The following RNASEH2B variants were observed in gnomAD, a reference collection of about 807,000 sequenced individuals.
The protein encoded by RNASEH2B is Aicardi-Goutieres syndrome 2 protein.
RNASEH2B carries 36 observed loss-of-function variants against 45.0 expected under a neutral mutation model. The ratio of observed to expected loss-of-function variants is 0.80; its 90% confidence interval spans 0.61 to 1.06. The LOEUF (loss-of-function observed/expected upper bound fraction) is 1.06, where lower values mean the gene tolerates loss of function less well. Among genes scored for constraint, RNASEH2B ranks in the 50% least tolerant of loss-of-function variants. RNASEH2B has a pLI of 0.00. For missense variants in RNASEH2B, 361 were observed against 360.3 expected (o/e 1.00, Z -0.02); for synonymous variants, 119 against 125.7 (o/e 0.95, Z 0.35).
In RNASEH2B at chr13:50,945,524, A is replaced by C; in HGVS notation, c.608A>C (p.Asp203Ala). 1 of 1,608,946 alleles carries C rather than the reference A, an allele frequency of 6.2e-7. No homozygotes were observed. Among genetic ancestry groups the C allele is most frequent in the South Asian group, 1.1e-5 (1 of 90,970 alleles). Reference sequence around the variant, plus strand: ...TTCTCTGGTGACCAAGCTTCCACTGACAAGGAAGGTAAGTAAAGCATTTTA... The same window carrying C: ...TTCTCTGGTGACCAAGCTTCCACTGCCAAGGAAGGTAAGTAAAGCATTTTA... ...AFFSGDQAST[D>A]KEEDYIRYAH... The change falls in exon 7 of 11, where the codon GAC becomes GCC. Residue 203 changes from aspartate (D) to alanine (A), a missense_variant. Physicochemically the swap from Asp to Ala is moderately radical, Grantham distance 126. Coordinates refer to ENST00000336617, the MANE Select transcript of RNASEH2B (RefSeq NM_024570.4).
intron 4 of RNASEH2B, chr13:50,934,081 G>C (rs916850334): frequency 1.3e-5 from 2 of 152,188 alleles, no homozygotes; most frequent in Non-Finnish European, 2.9e-5. Flanking sequence ...GCTAGAAGTG[G>C]GTCATGGGCA....
At chr13:50,923,870 G>C (rs947365977) in intron 1 of RNASEH2B, among the ~76,000 whole-genome samples, 10 of 152,302 alleles carry the variant, frequency 6.6e-5, no homozygotes, top group African/African-American at 2.4e-4. Context: ...ATGTAAAGAT[G>C]TAATTTGTAT....
intron 8 of RNASEH2B, 25 bp from the exon 9 acceptor site, chr13:50,949,438 T>C: frequency 6.2e-7 from 1 of 1,611,234 alleles, no homozygotes; most frequent in Non-Finnish European, 8.5e-7. Context: ...ACGATGACTT[T>C]GATTGTTATT....
At chr13:50,946,180 G>A (rs1328112427) in intron 7 of RNASEH2B, among the ~76,000 whole-genome samples, 1 of 152,024 alleles carries the variant, frequency 6.6e-6, no homozygotes, top group Non-Finnish European at 1.5e-5. Context: ...TCTTTTCCAA[G>A]TAGAGTCCTC....
At chr13:50,925,449 A>AT (rs1236456263) in intron 1 of RNASEH2B, among the ~76,000 whole-genome samples, 1 of 152,178 alleles carries the variant, frequency 6.6e-6, no homozygotes, top group Admixed American at 6.5e-5. Context: ...TTGTATTTCT[A>AT]TAAAATACCC....
chr13:50,949,628 C>T lies in RNASEH2B; in HGVS notation c.741+123C>T. 3 of 844,420 alleles carry T rather than the reference C, an allele frequency of 3.6e-6. No individual in the cohort carries two copies. In the South Asian group the frequency reaches 4.3e-5, roughly 12 times the overall value. 52.3% of individuals were successfully genotyped at this position (844,420 alleles called of 1,614,324 possible). On this transcript the variant is annotated intron_variant, in intron 9 of 10. Transcript: ENST00000336617. ...TAAATCCATTTTGCATGGAGTGATG[C>T]CATGTGGAATAAAGATTGTACTGGG...
At chr13:50,944,091 T>C (rs549043338) in intron 6 of RNASEH2B, among the ~76,000 whole-genome samples, 16 of 151,910 alleles carry the variant, frequency 1.1e-4, no homozygotes, top group African/African-American at 2.7e-4. Context: ...GGTTAAAATA[T>C]AGCAGAGGAA....
chr13:50,932,246 T>G lies in RNASEH2B; in HGVS notation c.321+1487T>G, dbSNP rs73499735. 6.1e-3 allele frequency among the ~76,000 whole-genome samples: 928 copies of G among 152,328 alleles called. 9 individuals carry two copies. Among genetic ancestry groups the G allele is most frequent in the African/African-American group, 0.021 (884 of 41,568 alleles). ...ATGATATCCATGAAAAAGCAGCTGG[T>G]TCTGCTTGCAACTCAGCCAGCCCCA... On this transcript the variant is annotated intron_variant, in intron 4 of 10. Coordinates refer to ENST00000336617, the MANE Select transcript of RNASEH2B (RefSeq NM_024570.4).
intron 1 of RNASEH2B, 122 bp from the exon 2 acceptor site, chr13:50,927,285 A>T (rs887479906): frequency 1.5e-6 from 1 of 677,848 alleles, no homozygotes; most frequent in African/African-American, 1.8e-5. Context: ...TTTGTAAGTG[A>T]TAAATTGAGT....
At position 50,949,453 on chromosome 13, in the gene RNASEH2B, A is replaced by T; in HGVS notation, c.699-10A>T. The T allele has an allele frequency of 6.2e-7, 1 of 1,612,948 alleles. No homozygotes were observed. The highest frequency in any genetic ancestry group is 8.5e-7 in the Non-Finnish European group (1 of 1,179,120). ...ACGATGACTTTGATTGTTATTTTTA[A>T]CTTTCTTAGGCTTCCAGAACCTTCA... On this transcript the variant is annotated splice_polypyrimidine_tract_variant and intron_variant, in intron 8 of 10. Transcript: ENST00000336617.
At chr13:50,969,363 AT>A (rs1952196651) in intron 9 of RNASEH2B, among the ~76,000 whole-genome samples, 1 of 152,098 alleles carries the variant, frequency 6.6e-6, no homozygotes, top group African/African-American at 2.4e-5. Context: ...TTTGCACTCA[AT>A]AAAAAATCAA....
At chr13:50,962,107 T>C (rs1344890611) in intron 9 of RNASEH2B, among the ~76,000 whole-genome samples, 1 of 152,300 alleles carries the variant, frequency 6.6e-6, no homozygotes, top group East Asian at 1.9e-4. Context: ...TTTTTCCTAA[T>C]ATTTTGTTAA....
intron 6 of RNASEH2B, 119 bp from the exon 7 acceptor site, chr13:50,945,308 T>C: frequency 1.4e-6 from 1 of 727,916 alleles, no homozygotes; most frequent in Non-Finnish European, 2.5e-6. Context: ...AAGATACTTC[T>C]AGGTTCTCAA....
At position 50,956,585 on chromosome 13, in the gene RNASEH2B, T is replaced by C; in HGVS notation, c.*111T>C. 1 of 1,513,338 alleles carries C rather than the reference T, an allele frequency of 6.6e-7. No homozygotes were observed. The highest frequency in any genetic ancestry group is 2.1e-5 in the Admixed American group (1 of 46,776). The allele number at this position is 1,513,338 out of a possible 1,614,324, so 93.7% of individuals were successfully genotyped here. On this transcript the variant is annotated 3_prime_UTR_variant, in exon 11 of 11. Transcript: ENST00000336617. Reference sequence around the variant, plus strand: ...TGGGGGAAGGAAGAGGCCAATTTCATGTTCTCTTAAACATTTCTTTGCATT... The same window carrying C: ...TGGGGGAAGGAAGAGGCCAATTTCACGTTCTCTTAAACATTTCTTTGCATT...
At chr13:50,960,106 A>G (rs1952096388), downstream of RNASEH2B, 1 of 949,514 alleles carries the variant, frequency 1.1e-6, no homozygotes, top group Non-Finnish European at 1.4e-6. Flanking sequence ...GTATGTGTAG[A>G]TATTTTCATT....
At chr13:50,915,486 C>T (rs868066442) in intron 1 of RNASEH2B, 1 of 398,628 alleles carries the variant, frequency 2.5e-6, no homozygotes, top group Non-Finnish European at 4.4e-6. Flanking sequence ...GTTCGTGGTA[C>T]CTCTTTGACC....
In RNASEH2B at chr13:50,948,423, C is replaced by T. The variant is rs1039571218; in HGVS notation, c.698+355C>T. The T allele has an allele frequency of 2.3e-5, 4 of 174,558 alleles. No homozygotes were observed. In the East Asian group the frequency reaches 6.1e-4, roughly 27 times the overall value. The allele number at this position is 174,558 out of a possible 1,614,324, so 10.8% of individuals were successfully genotyped here. A position where few individuals can be genotyped will look rare whatever the true frequency, so the allele number is the denominator to read the frequency against. On this transcript the variant is annotated intron_variant, in intron 8 of 10. Transcript: ENST00000336617. The stretch of plus-strand genomic sequence containing the variant: ...ATGGAAAGAGTAGATGGAATATAGA[C>T]TTTTTTTTAATTTACAAAATATTGA...
downstream of RNASEH2B, among the ~76,000 whole-genome samples, chr13:50,956,972 C>T (rs1952059179): frequency 6.7e-6 from 1 of 150,118 alleles, no homozygotes; most frequent in Non-Finnish European, 1.5e-5. Context: ...GATCTCGGCT[C>T]ACTTTTTAGA....
intron 9 of RNASEH2B, among the ~76,000 whole-genome samples, chr13:50,963,100 T>C (rs1809992012): frequency 6.6e-6 from 1 of 152,088 alleles, no homozygotes; most frequent in African/African-American, 2.4e-5. Context: ...CTTTGATTTA[T>C]AGCATTTCAT....
Sources: allele counts gnomAD v4.1 joint callset (sites outside exome capture counted in the v4.1 genomes callset), GRCh38; gene constraint gnomAD v4.1.1; transcripts MANE v1.5; gene names NCBI Gene and HGNC (gene_info 2026-07-23, HGNC 2026-07-21).